ACACB: variants seen among roughly 807,000 people sequenced by gnomAD.
ACACB encodes acetyl-CoA carboxylase beta.
In ACACB, 209 loss-of-function variants were observed where a neutral mutation model predicts 278.8. The observed-to-expected ratio is 0.75, with a 90% CI of 0.67 to 0.84. The LOEUF (loss-of-function observed/expected upper bound fraction) is 0.84, where lower values mean the gene tolerates loss of function less well. Ranked by LOEUF, ACACB falls within the 40% of genes least tolerant of loss-of-function variation. The pLI is 0.00. For missense variants in ACACB, 2,850 were observed against 3,269.0 expected (o/e 0.87, Z 3.13); for synonymous variants, 1,174 against 1,285.6 (o/e 0.91, Z 1.86).
At chr12:109,220,486 A>G (rs1405177285) in intron 24 of ACACB, among the ~76,000 whole-genome samples, 1 of 152,238 alleles carries the variant, frequency 6.6e-6, no homozygotes, top group Non-Finnish European at 1.5e-5. Flanking sequence ...GAGAACTAAA[A>G]TATACAAGAT....
intron 3 of ACACB, 49 bp from the exon 4 acceptor site, chr12:109,167,847 A>G (rs775526769): frequency 6.2e-7 from 1 of 1,612,762 alleles, no homozygotes; most frequent in South Asian, 1.1e-5. Flanking sequence ...CGTGGCCCCC[A>G]GCGCAGGTAG....
At chr12:109,181,434 G>A (rs190154362) in intron 11 of ACACB, among the ~76,000 whole-genome samples, 11 of 151,978 alleles carry the variant, frequency 7.2e-5, no homozygotes, top group African/African-American at 2.7e-4. Flanking sequence ...CACCATATTG[G>A]CCAGGCTGGT....
chr12:109,150,256 C>T (rs1008691512), intron 2 of ACACB, among the ~76,000 whole-genome samples: 1 of 152,204 alleles, frequency 6.6e-6, no homozygotes, highest in Admixed American at 6.5e-5. Flanking sequence ...TTGTTGAGAT[C>T]GAGTGGGAGC....
At chr12:109,196,804 G>A (rs998989340) in intron 16 of ACACB, among the ~76,000 whole-genome samples, 2 of 152,198 alleles carry the variant, frequency 1.3e-5, no homozygotes, top group Non-Finnish European at 2.9e-5. Context: ...CAGGGCAGGT[G>A]TGGCTCGCTA....
At chr12:109,191,245 G>T in intron 13 of ACACB, among the ~76,000 whole-genome samples, 1 of 141,412 alleles carries the variant, frequency 7.1e-6, no homozygotes, top group African/African-American at 2.6e-5. Flanking sequence ...ACAGAGTCTT[G>T]CTCTGTCGCC....
In ACACB at chr12:109,251,622, C is replaced by T. The variant is rs79478622; in HGVS notation, c.5791-424C>T. ...TACTTACATAACCGTAGTACATTATCGAAACCAGGAAACTGACATTGGCAC... is the reference window on the plus strand; with the variant it reads ...TACTTACATAACCGTAGTACATTATTGAAACCAGGAAACTGACATTGGCAC... On this transcript the variant is annotated intron_variant, in intron 41 of 52. Coordinates refer to ENST00000338432, the MANE Select transcript of ACACB (RefSeq NM_001093.4). Among the ~76,000 whole-genome samples, 16 of 152,284 alleles carry T rather than the reference C, an allele frequency of 1.1e-4. No homozygotes were observed. The East Asian group carries it at 2.5e-3, about 24-fold the overall frequency.
At chr12:109,209,678 C>A (rs1046297799) in intron 21 of ACACB, among the ~76,000 whole-genome samples, 1 of 151,576 alleles carries the variant, frequency 6.6e-6, no homozygotes, top group South Asian at 2.1e-4. Flanking sequence ...GAGGAAACTG[C>A]AAGTTTTTTT....
intron 11 of ACACB, among the ~76,000 whole-genome samples, chr12:109,182,268 C>T (rs185361051): frequency 7.2e-5 from 11 of 152,286 alleles, no homozygotes; most frequent in African/African-American, 2.2e-4. Context: ...TTTCCTATGC[C>T]TGTTTGCCAT....
Position 109,199,487 on chromosome 12 carries a change from C to T in ACACB, c.2713C>T (p.Leu905=), listed in dbSNP as rs1295717646. The T allele has an allele frequency of 5.7e-6, 9 of 1,571,350 alleles. No individual in the cohort carries two copies. Among genetic ancestry groups the T allele is most frequent in the Non-Finnish European group, 6.9e-6 (8 of 1,158,772 alleles). The part of the protein sequence containing the change: ...TVLRSPSAGK[L]TQYTVEDGGH... ...CCTGAGATCCCCCTCGGCTGGGAAG[C>T]TGACACAGTACACAGTGGAGGATGG... is the stretch of plus-strand genomic sequence containing the variant. The change falls in exon 18 of 53, where the codon CTG becomes TTG. Residue 905 remains leucine (L), a synonymous_variant. Transcript: ENST00000338432.
At chr12:109,200,244 C>T (rs2045290982) in intron 18 of ACACB, among the ~76,000 whole-genome samples, 1 of 151,610 alleles carries the variant, frequency 6.6e-6, no homozygotes, top group Non-Finnish European at 1.5e-5. Flanking sequence ...AGTGTAGTGG[C>T]GTGATCTTGT....
chr12:109,189,060 A>G (rs1196435286), intron 13 of ACACB, among the ~76,000 whole-genome samples: 1 of 152,194 alleles, frequency 6.6e-6, no homozygotes, highest in Non-Finnish European at 1.5e-5. Context: ...AGAAGCCCAC[A>G]TTGACAGAGG....
chr12:109,199,660 T>C (rs2045266195), intron 18 of ACACB, 108 bp downstream of exon 18: 4 of 1,145,948 alleles, frequency 3.5e-6, no homozygotes, highest in Non-Finnish European at 4.5e-6. Context: ...GACCACTGTC[T>C]GCAAATTTCT....
chr12:109,128,481 G>T (rs1452580439), intron 1 of ACACB, among the ~76,000 whole-genome samples: 1 of 152,032 alleles, frequency 6.6e-6, no homozygotes, highest in African/African-American at 2.4e-5. Context: ...GGGATTACAG[G>T]CACCCACCAC....
chr12:109,173,629 T>C (rs1408758682), intron 6 of ACACB, among the ~76,000 whole-genome samples: 2 of 152,252 alleles, frequency 1.3e-5, no homozygotes, highest in Non-Finnish European at 2.9e-5. Flanking sequence ...TGGCTTGCCT[T>C]TGTAAATAAA....
At chr12:109,252,008 C>A in intron 41 of ACACB, 38 bp from the exon 42 acceptor site, 2 of 1,520,556 alleles carry the variant, frequency 1.3e-6, no homozygotes, top group Admixed American at 1.9e-5. Flanking sequence ...GGGTCCCTCG[C>A]CACTCTCCAG....
chr12:109,260,245 T>C (rs2047343759), intron 47 of ACACB: 3 of 1,353,448 alleles, frequency 2.2e-6, no homozygotes, highest in East Asian at 5.0e-5. Flanking sequence ...ATCCTAGAGA[T>C]TGGTTTTTCC....
intron 4 of ACACB, among the ~76,000 whole-genome samples, chr12:109,168,281 G>C (rs2043988597): frequency 6.6e-6 from 1 of 152,220 alleles, no homozygotes. Flanking sequence ...AGAAATGTCT[G>C]TGTTCTAGCA....
rs1593665244 is a variant in ACACB at position 109,237,161 on chromosome 12, A to G, written c.4447-4A>G. On this transcript the variant is annotated splice_polypyrimidine_tract_variant and splice_region_variant and intron_variant, in intron 33 of 52. Transcript: ENST00000338432. ...TCTGTCTTCTCTCTCTGGTCCGCCT[A>G]CAGTTTGCAGAAGATCGCATTTACC... The G allele has an allele frequency of 3.1e-6, 5 of 1,614,100 alleles. No homozygotes were observed. The highest frequency in any genetic ancestry group is 4.2e-6 in the Non-Finnish European group (5 of 1,180,002).
intron 44 of ACACB, among the ~76,000 whole-genome samples, chr12:109,255,477 C>T (rs752596871): frequency 3.9e-5 from 6 of 152,198 alleles, no homozygotes; most frequent in East Asian, 1.9e-4. Flanking sequence ...AAAAAATGTT[C>T]GGCTTCTCAC....
Sources: allele counts gnomAD v4.1 joint callset (sites outside exome capture counted in the v4.1 genomes callset), GRCh38; gene constraint gnomAD v4.1.1; transcripts MANE v1.5; gene names NCBI Gene and HGNC (gene_info 2026-07-23, HGNC 2026-07-21).